Variants in INPP4B observed in about 807,000 individuals in gnomAD.
INPP4B encodes inositol polyphosphate 4-phosphatase type II.
In INPP4B, 55 loss-of-function variants were observed where a neutral mutation model predicts 122.5. The ratio of observed to expected loss-of-function variants is 0.45; its 90% CI spans 0.36 to 0.56. The LOEUF (loss-of-function observed/expected upper bound fraction) is 0.56. Among genes scored for constraint, INPP4B ranks in the 20% least tolerant of loss-of-function variants. The pLI, the probability that INPP4B is intolerant of heterozygous loss-of-function variation, is 0.00. For missense variants in INPP4B, 1,000 were observed against 1,097.7 expected (o/e 0.91, Z 1.26); for synonymous variants, 403 against 388.7 (o/e 1.04, Z -0.43).
At chr4:142,314,637 AG>A in intron 8 of INPP4B, 74 bp downstream of exon 8, 1 of 1,345,100 alleles carries the variant, frequency 7.4e-7, no homozygotes, top group Non-Finnish European at 1.0e-6. Flanking sequence ...GTTACCAAGC[AG>A]GAGGCCAGAG....
chr4:142,113,312 A>G (rs1791215269), intron 21 of INPP4B, among the ~76,000 whole-genome samples: 1 of 151,032 alleles, frequency 6.6e-6, no homozygotes, highest in Non-Finnish European at 1.5e-5. Context: ...AATATGATTA[A>G]TAAGAGTAGC....
intron 2 of INPP4B, among the ~76,000 whole-genome samples, chr4:142,591,359 G>A (rs1737445538): frequency 6.6e-6 from 1 of 152,048 alleles, no homozygotes; most frequent in South Asian, 2.1e-4. Flanking sequence ...GGTGCTCCCA[G>A]TGGCCAATGT....
chr4:142,447,862 G>A (rs1813246943), intron 3 of INPP4B, among the ~76,000 whole-genome samples: 1 of 152,100 alleles, frequency 6.6e-6, no homozygotes, highest in Admixed American at 6.5e-5. Flanking sequence ...GAGGCAGCAA[G>A]GAGGTAGCCC....
At chr4:142,216,702 G>A (rs773527122) in intron 12 of INPP4B, among the ~76,000 whole-genome samples, 2 of 151,912 alleles carry the variant, frequency 1.3e-5, no homozygotes, top group Non-Finnish European at 2.9e-5. Flanking sequence ...TATATACTCC[G>A]AACCTTCCAC....
chr4:142,529,467 G>T (rs904758968), intron 2 of INPP4B, among the ~76,000 whole-genome samples: 11 of 151,486 alleles, frequency 7.3e-5, no homozygotes, highest in African/African-American at 2.7e-4. Context: ...GATACCTAGG[G>T]GCATGTATCT....
chr4:142,731,770 C>T (rs1766119526), intron 1 of INPP4B, among the ~76,000 whole-genome samples: 1 of 131,190 alleles, frequency 7.6e-6, no homozygotes, highest in Non-Finnish European at 1.7e-5. Context: ...TTGAGATTTT[C>T]AGGGGAAAAA....
At chr4:142,233,277 GAC>G in intron 12 of INPP4B, among the ~76,000 whole-genome samples, 1 of 152,148 alleles carries the variant, frequency 6.6e-6, no homozygotes, top group East Asian at 1.9e-4. Context: ...AAGGGACTTA[GAC>G]ACAGTTTGTA....
intron 11 of INPP4B, among the ~76,000 whole-genome samples, chr4:142,256,632 AC>A (rs1262472699): frequency 6.6e-6 from 1 of 152,222 alleles, no homozygotes; most frequent in Non-Finnish European, 1.5e-5. Context: ...CTCAACACAT[AC>A]ACTCTCCCAA....
At chr4:142,612,605 G>C (rs917139375) in intron 2 of INPP4B, among the ~76,000 whole-genome samples, 1 of 152,090 alleles carries the variant, frequency 6.6e-6, no homozygotes, top group Non-Finnish European at 1.5e-5. Flanking sequence ...AAGAATTGCA[G>C]TTTTTGCCAT....
At chr4:142,256,527 C>G (rs1579479362) in intron 11 of INPP4B, among the ~76,000 whole-genome samples, 1 of 152,114 alleles carries the variant, frequency 6.6e-6, no homozygotes, top group African/African-American at 2.4e-5. Context: ...GGGGATATCA[C>G]CACCGATCCC....
chr4:142,178,831 T>C (rs1317799736), intron 15 of INPP4B, among the ~76,000 whole-genome samples: 1 of 33,818 alleles, frequency 3.0e-5, no homozygotes, highest in African/African-American at 8.5e-5. Context: ...AAACCCTACT[T>C]GTAAAAAAAA....
intron 25 of INPP4B, among the ~76,000 whole-genome samples, chr4:142,060,159 A>G (rs1759821392): frequency 6.6e-6 from 1 of 152,148 alleles, no homozygotes; most frequent in South Asian, 2.1e-4. Flanking sequence ...TACTTTAAAA[A>G]TTTATTTACT....
At chr4:142,350,600 G>A (rs1035680529) in intron 7 of INPP4B, among the ~76,000 whole-genome samples, 1 of 151,860 alleles carries the variant, frequency 6.6e-6, no homozygotes, top group Non-Finnish European at 1.5e-5. Context: ...TCAACCAAAA[G>A]GCCTCGTGTG....
At chr4:142,330,723 G>A (rs1774143407) in intron 7 of INPP4B, among the ~76,000 whole-genome samples, 1 of 152,098 alleles carries the variant, frequency 6.6e-6, no homozygotes, top group South Asian at 2.1e-4. Context: ...TTGAAACCTT[G>A]AATTTTAACA....
intron 11 of INPP4B, among the ~76,000 whole-genome samples, chr4:142,244,530 C>A (rs1483184337): frequency 6.6e-6 from 1 of 151,768 alleles, no homozygotes. Flanking sequence ...GTCTTGAACT[C>A]CTGACCTCAT....
chr4:142,420,518 A>G (rs1412438811), intron 5 of INPP4B, among the ~76,000 whole-genome samples: 1 of 152,128 alleles, frequency 6.6e-6, no homozygotes, highest in Non-Finnish European at 1.5e-5. Flanking sequence ...ATGTGTAAAG[A>G]AGCTCTAATT....
intron 12 of INPP4B, among the ~76,000 whole-genome samples, chr4:142,222,741 G>A (rs558330063): frequency 3.9e-5 from 6 of 152,170 alleles, no homozygotes; most frequent in African/African-American, 1.4e-4. Context: ...CAGATGGCAT[G>A]CCCTGTCTGC....
intron 7 of INPP4B, among the ~76,000 whole-genome samples, chr4:142,322,778 T>A (rs1770586992): frequency 6.6e-6 from 1 of 152,178 alleles, no homozygotes; most frequent in African/African-American, 2.4e-5. Context: ...GACAACACAG[T>A]AGAATCGCCT....
intron 2 of INPP4B, among the ~76,000 whole-genome samples, chr4:142,492,411 A>T (rs549903395): frequency 1.3e-5 from 2 of 152,190 alleles, no homozygotes; most frequent in East Asian, 3.9e-4. Context: ...AAATGTGGGA[A>T]AGTTTGGAAC....
Sources: gnomAD v4.1 joint callset for allele counts (sites outside exome capture counted in the v4.1 genomes callset) on GRCh38, gnomAD v4.1.1 for gene constraint, MANE v1.5 for transcripts, NCBI Gene and HGNC (gene_info 2026-07-23, HGNC 2026-07-21) for gene names.